Variants in SCN10A observed in about 807,000 individuals in gnomAD.
SCN10A encodes sodium voltage-gated channel alpha subunit 10, also known as sodium channel protein type 10 subunit alpha.
In SCN10A, 162 loss-of-function variants were observed where a neutral mutation model predicts 170.7. That is an observed-to-expected ratio of 0.95 (90% CI 0.84 to 1.08). The LOEUF is 1.08. SCN10A is among the 50% of genes least tolerant of loss of function. The probability of loss-of-function intolerance (pLI) is 0.00; values close to 1 mark genes in which losing one functional copy is unlikely to be tolerated. For synonymous variants in SCN10A, 985 were observed against 904.6 expected, an observed-to-expected ratio of 1.09 and a Z score of -1.59; for missense variants, 2,527 against 2,436.9, an observed-to-expected ratio of 1.04 and a Z score of -0.78.
At chr3:38,743,109 C>G (rs1575988565) in intron 13 of SCN10A, among the ~76,000 whole-genome samples, 2 of 152,186 alleles carry the variant, frequency 1.3e-5, no homozygotes, top group South Asian at 4.1e-4. Context: ...ACTTCCTCTT[C>G]CCCCGTCTAA....
At chr3:38,705,911 G>C (rs1046629415) in intron 26 of SCN10A, among the ~76,000 whole-genome samples, 6 of 152,132 alleles carry the variant, frequency 3.9e-5, no homozygotes, top group South Asian at 4.1e-4. Flanking sequence ...TTGGGACTCA[G>C]CCTTTCACCT....
At chr3:38,763,441 G>T in intron 6 of SCN10A, 64 bp downstream of exon 6, 1 of 1,278,222 alleles carries the variant, frequency 7.8e-7, no homozygotes, top group Non-Finnish European at 1.1e-6. Flanking sequence ...CAGGGTTCTT[G>T]TGAAAATTAG....
At chr3:38,766,236 T>C (rs1274375074) in intron 5 of SCN10A, among the ~76,000 whole-genome samples, 1 of 152,154 alleles carries the variant, frequency 6.6e-6, no homozygotes, top group Non-Finnish European at 1.5e-5. Context: ...TTATTTCTCT[T>C]GTCTGATTGC....
chr3:38,739,084 T>A (rs1263097467), intron 15 of SCN10A, among the ~76,000 whole-genome samples: 1 of 152,150 alleles, frequency 6.6e-6, no homozygotes, highest in Non-Finnish European at 1.5e-5. Context: ...ATGGAACCAT[T>A]CTTTTTCCTC....
At chr3:38,754,809 C>T (rs983128443) in intron 11 of SCN10A, among the ~76,000 whole-genome samples, 1 of 152,054 alleles carries the variant, frequency 6.6e-6, no homozygotes, top group Admixed American at 6.6e-5. Context: ...AAATATCCTT[C>T]GGCTTAGCAC....
chr3:38,727,732 G>T (rs1385208894), intron 16 of SCN10A, among the ~76,000 whole-genome samples: 5 of 152,100 alleles, frequency 3.3e-5, no homozygotes, highest in Non-Finnish European at 7.4e-5. Context: ...TGATGTCCAG[G>T]GCAATAAGAA....
chr3:38,701,969 G>C lies in SCN10A; in HGVS notation c.4527C>G (p.Gly1509=), dbSNP rs765079537. Residue 1509 remains glycine, a synonymous_variant, in exon 27 of 28, where the codon GGC becomes GGG. Transcript: ENST00000449082. ...CGGCCACAAAGAACTGGTTGATTTT[G>C]CCCAGAATTTTCGTCTTTTCTTCAC... The part of the protein sequence containing the change: ...DQSEEKTKIL[G]KINQFFVAVF... 3 of 1,614,106 alleles carry C rather than the reference G, an allele frequency of 1.9e-6. No individual in the cohort carries two copies. The highest frequency in any genetic ancestry group is 2.5e-6 in the Non-Finnish European group (3 of 1,180,024).
chr3:38,707,429 C>A (rs535925070), intron 25 of SCN10A, 46 bp from the exon 26 acceptor site: 3 of 1,593,478 alleles, frequency 1.9e-6, no homozygotes, highest in Non-Finnish European at 2.6e-6. Context: ...GAACCCCCTA[C>A]GGATACCAAA....
intron 13 of SCN10A, among the ~76,000 whole-genome samples, chr3:38,743,385 G>T (rs1305684476): frequency 6.6e-6 from 1 of 152,164 alleles, no homozygotes; most frequent in Non-Finnish European, 1.5e-5. Flanking sequence ...ATTGCCATGA[G>T]CAGGTAAACA....
At chr3:38,715,376 C>T (rs2063324224) in intron 21 of SCN10A, among the ~76,000 whole-genome samples, 1 of 152,232 alleles carries the variant, frequency 6.6e-6, no homozygotes, top group African/African-American at 2.4e-5. Flanking sequence ...TGCATCTATT[C>T]TCCACTGCAA....
Position 38,723,291 on chromosome 3 carries a change from G to T in SCN10A, c.3352+139C>A, listed in dbSNP as rs4076737. ...CACCTGGGGCATGTGTGTCTGATGC[G>T]GGCGCCCTCAAGCCTGGGAGTGAGG... On this transcript the variant is annotated intron_variant, in intron 19 of 27. Transcript: ENST00000449082. The T allele has an allele frequency of 0.63, 619,644 of 985,524 alleles. 199,013 individuals are homozygous for T. The highest frequency in any genetic ancestry group is 0.91 in the African/African-American group (57,158 of 63,142). 61.0% of individuals were successfully genotyped at this position (985,524 alleles called of 1,614,324 possible). A position where few individuals can be genotyped will look rare whatever the true frequency, so the allele number is the denominator to read the frequency against.
rs1271949687 is a variant in SCN10A at position 38,770,942 on chromosome 3, A to G, written c.599+337T>C. Reference sequence around the variant, plus strand: ...TGTGTGGCTTCCTAAATTTATTTACATTCCAGGTAAGGGTAAATTCTTCTC... The same window carrying G: ...TGTGTGGCTTCCTAAATTTATTTACGTTCCAGGTAAGGGTAAATTCTTCTC... On this transcript the variant is annotated intron_variant, in intron 5 of 27. Coordinates refer to ENST00000449082, the MANE Select transcript of SCN10A (RefSeq NM_006514.4). Among the ~76,000 whole-genome samples, 3 of 152,184 alleles carry G rather than the reference A, an allele frequency of 2.0e-5. No individual in the cohort carries two copies. The East Asian group carries it at 5.8e-4, about 29-fold the overall frequency.
intron 13 of SCN10A, among the ~76,000 whole-genome samples, chr3:38,743,996 A>G (rs949777406): frequency 6.6e-6 from 1 of 152,220 alleles, no homozygotes; most frequent in Non-Finnish European, 1.5e-5. Flanking sequence ...TCGGCAAGAC[A>G]TGCATCTTGA....
At chr3:38,793,136 A>T (rs1281132010) in intron 2 of SCN10A, among the ~76,000 whole-genome samples, 1 of 152,100 alleles carries the variant, frequency 6.6e-6, no homozygotes, top group African/African-American at 2.4e-5. Context: ...ATTTTAAAAC[A>T]CGGGAATATA....
Position 38,697,141 on chromosome 3 carries a change from T to G in SCN10A, c.*208A>C, listed in dbSNP as rs2063097049. ...TTGAAATTCAGAAGGGAAATCACAG[T>G]GGAAGTGCTCTTAGCTTCTGACTCC... On this transcript the variant is annotated 3_prime_UTR_variant, in exon 28 of 28. Coordinates refer to ENST00000449082, the MANE Select transcript of SCN10A (RefSeq NM_006514.4). 1.5e-6 allele frequency: 1 copy of G among 647,914 alleles called. No individual in the cohort carries two copies. Among genetic ancestry groups the G allele is most frequent in the South Asian group, 2.3e-5 (1 of 43,888 alleles). 40.1% of individuals were successfully genotyped at this position (647,914 alleles called of 1,614,324 possible).
intron 6 of SCN10A, among the ~76,000 whole-genome samples, chr3:38,761,805 A>G (rs2063875020): frequency 2.1e-5 from 3 of 144,524 alleles, no homozygotes; most frequent in Admixed American, 6.9e-5. Flanking sequence ...CATGAACCTC[A>G]CTGTGTGTGA....
intron 4 of SCN10A, among the ~76,000 whole-genome samples, chr3:38,775,235 A>G (rs1475842887): frequency 6.6e-6 from 1 of 152,176 alleles, no homozygotes; most frequent in African/African-American, 2.4e-5. Flanking sequence ...CCCATTAAAT[A>G]ATAACTCCCC....
At chr3:38,799,551 C>G (rs1207941193) in intron 1 of SCN10A, among the ~76,000 whole-genome samples, 3 of 152,114 alleles carry the variant, frequency 2.0e-5, no homozygotes, top group Non-Finnish European at 4.4e-5. Flanking sequence ...TTGAACGTGG[C>G]AGGGAGATAG....
intron 26 of SCN10A, 112 bp from the exon 27 acceptor site, chr3:38,702,221 C>T (rs539531796): frequency 2.0e-4 from 230 of 1,145,390 alleles, no homozygotes; most frequent in East Asian, 3.1e-4. Context: ...TTAACAGAAG[C>T]GAAATACTAT....
Sources: allele counts gnomAD v4.1 joint callset (sites outside exome capture counted in the v4.1 genomes callset), GRCh38; gene constraint gnomAD v4.1.1; transcripts MANE v1.5; gene names NCBI Gene and HGNC (gene_info 2026-07-23, HGNC 2026-07-21).